ARHGEF10L: variants seen among roughly 807,000 people sequenced by gnomAD.
ARHGEF10L encodes rho guanine nucleotide exchange factor 10-like protein.
Under a neutral mutation model 141.2 loss-of-function variants are expected in ARHGEF10L, and 69 were observed. The observed-to-expected ratio is 0.49, with a 90% CI of 0.40 to 0.60. The LOEUF is 0.60. ARHGEF10L is among the 20% of genes least tolerant of loss of function. The pLI, the probability that ARHGEF10L is intolerant of heterozygous loss-of-function variation, is 0.00. For missense variants in ARHGEF10L, 1,482 were observed against 1,734.3 expected (o/e 0.85, Z 2.58); for synonymous variants, 711 against 718.5 (o/e 0.99, Z 0.17).
At chr1:17,604,055 T>C (rs993184333) in intron 6 of ARHGEF10L, among the ~76,000 whole-genome samples, 30 of 151,572 alleles carry the variant, frequency 2.0e-4, no homozygotes, top group African/African-American at 7.3e-4. Flanking sequence ...CTGGGGCGAG[T>C]CTTGCTGGAA....
At chr1:17,595,434 G>A (rs567298233) in intron 4 of ARHGEF10L, among the ~76,000 whole-genome samples, 3 of 152,126 alleles carry the variant, frequency 2.0e-5, no homozygotes, top group African/African-American at 7.2e-5. Context: ...GCTGGGCTTT[G>A]GCCCAGCATG....
chr1:17,637,119 G>A (rs1439257712), intron 18 of ARHGEF10L, among the ~76,000 whole-genome samples: 1 of 152,156 alleles, frequency 6.6e-6, no homozygotes, highest in Admixed American at 6.5e-5. Flanking sequence ...GTCCTGCCAA[G>A]GTCATAAGCT....
intron 25 of ARHGEF10L, among the ~76,000 whole-genome samples, chr1:17,661,755 T>TG (rs1018904526): frequency 2.6e-5 from 4 of 152,190 alleles, no homozygotes; most frequent in African/African-American, 9.7e-5. Flanking sequence ...CTCTGGCCAC[T>TG]GGGGGGCGCT....
intron 1 of ARHGEF10L, among the ~76,000 whole-genome samples, chr1:17,569,576 A>G (rs1265211777): frequency 6.6e-6 from 1 of 152,156 alleles, no homozygotes; most frequent in Non-Finnish European, 1.5e-5. Context: ...TCCCTGCCAG[A>G]CAGAGATTGG....
In ARHGEF10L at chr1:17,697,134, C is replaced by G; in HGVS notation, c.3594C>G (p.Gly1198=). ...LSMREPAPAD[G]AALEHSEEDG... Reference sequence around the variant, plus strand: ...TGCGGGAGCCGGCGCCTGCTGATGGCGCAGCTTTGGAGCACAGCGAGGAGG... The same window carrying G: ...TGCGGGAGCCGGCGCCTGCTGATGGGGCAGCTTTGGAGCACAGCGAGGAGG... The change falls in exon 29 of 29, where the codon GGC becomes GGG. Residue 1198 remains glycine, a synonymous_variant. Transcript: ENST00000361221. The surrounding 1 kb of genome is among the most constrained non-coding windows in gnomAD (Gnocchi z 4.8). The G allele has an allele frequency of 6.2e-7, 1 of 1,611,040 alleles. No homozygotes were observed. The highest frequency in any genetic ancestry group is 8.5e-7 in the Non-Finnish European group (1 of 1,178,934).
chr1:17,569,885 C>G (rs978916289), intron 1 of ARHGEF10L, among the ~76,000 whole-genome samples: 2 of 152,216 alleles, frequency 1.3e-5, no homozygotes, highest in Admixed American at 1.3e-4. Flanking sequence ...AAAAATAGTC[C>G]AAGTCCTCCT....
the ARHGEF10L span, among the ~76,000 whole-genome samples, chr1:17,517,126 G>A: frequency 6.6e-6 from 1 of 152,106 alleles, no homozygotes; most frequent in Non-Finnish European, 1.5e-5. Flanking sequence ...ATCCAACAGG[G>A]ACTTCCTCAT....
chr1:17,682,196 C>A (rs918952211), intron 26 of ARHGEF10L, among the ~76,000 whole-genome samples: 3 of 152,182 alleles, frequency 2.0e-5, no homozygotes, highest in African/African-American at 4.8e-5. Flanking sequence ...AGAGTCACTG[C>A]CTTCAGGCTC....
chr1:17,642,604 C>A (rs982961327), intron 21 of ARHGEF10L, among the ~76,000 whole-genome samples: 9 of 152,298 alleles, frequency 5.9e-5, no homozygotes, highest in African/African-American at 2.2e-4. Flanking sequence ...GTGGAGGAAC[C>A]TGGACCAGAG....
intron 26 of ARHGEF10L, among the ~76,000 whole-genome samples, chr1:17,684,836 C>A (rs148506300): frequency 6.6e-6 from 1 of 152,292 alleles, no homozygotes; most frequent in African/African-American, 2.4e-5. Context: ...CTTCTCCCCT[C>A]CCCTCCCCTC....
At chr1:17,692,722 C>T (rs1037695751) in intron 27 of ARHGEF10L, among the ~76,000 whole-genome samples, 24 of 152,368 alleles carry the variant, frequency 1.6e-4, no homozygotes, top group African/African-American at 5.8e-4. Context: ...CGTCACGCTA[C>T]TCCCCTGCCT....
intron 21 of ARHGEF10L, among the ~76,000 whole-genome samples, chr1:17,641,899 T>G (rs2061346998): frequency 6.6e-6 from 1 of 151,000 alleles, no homozygotes; most frequent in East Asian, 2.0e-4. Context: ...GAGAATCACT[T>G]GAACCTAGGA....
upstream of ARHGEF10L, among the ~76,000 whole-genome samples, chr1:17,535,951 C>T (rs1266367392): frequency 6.6e-6 from 1 of 152,196 alleles, no homozygotes; most frequent in Non-Finnish European, 1.5e-5. Context: ...GGCAAACATG[C>T]CACCACATGT....
At chr1:17,542,587 A>G (rs1206774755) in intron 1 of ARHGEF10L, among the ~76,000 whole-genome samples, 2 of 152,240 alleles carry the variant, frequency 1.3e-5, no homozygotes, top group Non-Finnish European at 2.9e-5. Context: ...GAAGGAACAG[A>G]GTGGAAAGAA....
intron 4 of ARHGEF10L, among the ~76,000 whole-genome samples, chr1:17,593,003 G>A (rs1336842292): frequency 2.6e-5 from 4 of 152,148 alleles, no homozygotes; most frequent in Non-Finnish European, 5.9e-5. Context: ...CCTTCTCCGA[G>A]GGTAGAAACA....
rs956387806 is a variant in ARHGEF10L, at chr1:17,656,274, C to T, written c.2705+172C>T. ...AGTGTGGGAGCCAAAGTGTCGGGAG[C>T]GGCCTGCAGTGCAGTTGCCTGGCTC... On this transcript the variant is annotated intron_variant, in intron 24 of 28. Coordinates refer to ENST00000361221, the MANE Select transcript of ARHGEF10L (RefSeq NM_018125.4). This position sits in a 1 kb window ranked among gnomAD's most constrained non-coding sequence, Gnocchi z 4.9. Among the ~76,000 whole-genome samples, 8 of 152,196 alleles carry T rather than the reference C, an allele frequency of 5.3e-5. No individual in the cohort carries two copies. The highest frequency in any genetic ancestry group is 1.9e-4 in the East Asian group (1 of 5,180).
intron 26 of ARHGEF10L, among the ~76,000 whole-genome samples, chr1:17,665,776 A>G (rs879639280): frequency 1.3e-5 from 2 of 152,190 alleles, no homozygotes; most frequent in African/African-American, 4.8e-5. Context: ...ATGTATACAC[A>G]CGTATATAGA....
intron 10 of ARHGEF10L, among the ~76,000 whole-genome samples, chr1:17,620,933 C>T (rs763733671): frequency 8.5e-5 from 13 of 152,080 alleles, no homozygotes; most frequent in Non-Finnish European, 1.3e-4. Context: ...GGGTGGGAGC[C>T]AGGTGACTGT....
intron 1 of ARHGEF10L, among the ~76,000 whole-genome samples, chr1:17,541,804 C>T (rs1557684216): frequency 6.6e-6 from 1 of 151,750 alleles, no homozygotes; most frequent in Non-Finnish European, 1.5e-5. Context: ...CCCATCTCTA[C>T]TAAAAATATA....
Sources: allele counts gnomAD v4.1 joint callset (sites outside exome capture counted in the v4.1 genomes callset), GRCh38; gene constraint gnomAD v4.1.1; non-coding constraint Gnocchi (gnomAD v3.1); transcripts MANE v1.5; gene names NCBI Gene and HGNC (gene_info 2026-07-23, HGNC 2026-07-21).